GRM3: variants seen among roughly 807,000 people sequenced by gnomAD.
GRM3 encodes the protein metabotropic glutamate receptor 3.
Under a neutral mutation model 70.5 loss-of-function variants are expected in GRM3, and 26 were observed. The observed-to-expected ratio is 0.37, with a 90% CI of 0.27 to 0.51. The LOEUF is 0.51. GRM3 is among the 20% of genes least tolerant of loss of function. The pLI, the probability that GRM3 is intolerant of heterozygous loss-of-function variation, is 0.93. For synonymous variants in GRM3, 443 were observed against 434.9 expected (o/e 1.02, Z -0.23); for missense variants, 859 against 1,123.8 (o/e 0.76, Z 3.37).
intron 1 of GRM3, among the ~76,000 whole-genome samples, chr7:86,673,588 A>G (rs1794227228): frequency 6.6e-6 from 1 of 151,854 alleles, no homozygotes; most frequent in Non-Finnish European, 1.5e-5. Context: ...CTCACTCTAT[A>G]TTCTTTCCCT....
At chr7:86,687,161 G>C (rs1794587178) in intron 1 of GRM3, among the ~76,000 whole-genome samples, 1 of 151,836 alleles carries the variant, frequency 6.6e-6, no homozygotes, top group African/African-American at 2.4e-5. Context: ...TAGAAAGAGA[G>C]AACATAGAAT....
intron 3 of GRM3, among the ~76,000 whole-genome samples, chr7:86,795,997 T>G (rs149784484): frequency 6.6e-6 from 1 of 152,354 alleles, no homozygotes; most frequent in East Asian, 1.9e-4. Flanking sequence ...TGCAAAAATT[T>G]TCTCCCGTTC....
intron 1 of GRM3, among the ~76,000 whole-genome samples, chr7:86,664,591 T>C (rs970516664): frequency 6.6e-6 from 1 of 152,018 alleles, no homozygotes; most frequent in Non-Finnish European, 1.5e-5. Context: ...GATGAATTTC[T>C]ATTGTATCCT....
At chr7:86,803,754 G>GTGTT (rs111240911) in intron 3 of GRM3, among the ~76,000 whole-genome samples, 13,885 of 151,828 alleles carry the variant, frequency 0.091, 1,062 homozygotes, top group African/African-American at 0.22. Flanking sequence ...GTGGCAAGAG[G>GTGTT]TGTTTGTTTG....
intron 2 of GRM3, chr7:86,785,961 G>C (rs1797227411): frequency 4.2e-6 from 1 of 240,914 alleles, no homozygotes; most frequent in South Asian, 8.6e-5. Flanking sequence ...CCCATGGACA[G>C]GTTTTATCCT....
intron 1 of GRM3, among the ~76,000 whole-genome samples, chr7:86,738,068 C>T (rs145844405): frequency 6.6e-6 from 1 of 152,220 alleles, no homozygotes; most frequent in Non-Finnish European, 1.5e-5. Context: ...CAGTTACTGG[C>T]CCTGGTTGAA....
intron 1 of GRM3, among the ~76,000 whole-genome samples, chr7:86,750,494 A>G (rs1208475515): frequency 6.6e-6 from 1 of 152,068 alleles, no homozygotes; most frequent in African/African-American, 2.4e-5. Context: ...TGAAAAGAAA[A>G]AGCATGAGGA....
chr7:86,675,113 C>A (rs931025240), intron 1 of GRM3, among the ~76,000 whole-genome samples: 1 of 152,050 alleles, frequency 6.6e-6, no homozygotes, highest in East Asian at 1.9e-4. Context: ...ATTAGTATAG[C>A]ACTAGTTGTT....
intron 1 of GRM3, among the ~76,000 whole-genome samples, chr7:86,693,114 G>A (rs982363796): frequency 6.6e-6 from 1 of 152,180 alleles, no homozygotes; most frequent in African/African-American, 2.4e-5. Flanking sequence ...ACGGAATAAG[G>A]TTAATTGGAG....
chr7:86,763,804 A>G (rs1292560426), intron 1 of GRM3, among the ~76,000 whole-genome samples: 2 of 152,116 alleles, frequency 1.3e-5, no homozygotes, highest in African/African-American at 4.8e-5. Flanking sequence ...TACAACAAAA[A>G]GTTGAGAAAT....
chr7:86,674,911 A>G (rs1794268969), intron 1 of GRM3, among the ~76,000 whole-genome samples: 2 of 152,230 alleles, frequency 1.3e-5, no homozygotes. Context: ...CAATGCATTT[A>G]TCACCTTTGC....
chr7:86,727,362 T>C (rs182384276), intron 1 of GRM3, among the ~76,000 whole-genome samples: 1 of 152,298 alleles, frequency 6.6e-6, no homozygotes, highest in Non-Finnish European at 1.5e-5. Context: ...TTTTCTCCTC[T>C]GGTTAACTCC....
At chr7:86,831,556 A>G (rs1329857484) in intron 3 of GRM3, among the ~76,000 whole-genome samples, 1 of 152,130 alleles carries the variant, frequency 6.6e-6, no homozygotes, top group African/African-American at 2.4e-5. Context: ...AATTGCGGGT[A>G]GGAGGATTGG....
At chr7:86,826,197 C>G (rs1373653191) in intron 3 of GRM3, among the ~76,000 whole-genome samples, 1 of 152,146 alleles carries the variant, frequency 6.6e-6, no homozygotes, top group Non-Finnish European at 1.5e-5. Context: ...GAGACTGTTG[C>G]AAAGTCACAT....
intron 5 of GRM3, 139 bp downstream of exon 5, chr7:86,850,683 GTCAGGTATTGTGCTAAGTGCTGGGGAT>G: frequency 1.5e-6 from 1 of 663,490 alleles, no homozygotes; most frequent in East Asian, 2.6e-5. Flanking sequence ...AACACTGTGA[GTCAGGTATTGTGCTAAGTGCTGGGGAT>G]TCAGTAAGGA....
At position 86,644,390 on chromosome 7, in the gene GRM3, A is replaced by G; in HGVS notation, c.-623A>G. 1 of 323,080 alleles carries G rather than the reference A, an allele frequency of 3.1e-6. No homozygotes were observed. The highest frequency in any genetic ancestry group is 6.0e-6 in the Non-Finnish European group (1 of 165,506). The allele number at this position is 323,080 out of a possible 1,614,324, so 20.0% of individuals were successfully genotyped here. On this transcript the variant is annotated 5_prime_UTR_variant, in exon 1 of 6. Coordinates refer to ENST00000361669, the MANE Select transcript of GRM3 (RefSeq NM_000840.3). ...GGTCCGTGCTTCTGCCAAGAGTCCC[A>G]ATTAGATGCGACGGCTTCAGCCTGG...
chr7:86,735,053 T>C (rs1795824443), intron 1 of GRM3, among the ~76,000 whole-genome samples: 1 of 152,220 alleles, frequency 6.6e-6, no homozygotes, highest in Admixed American at 6.5e-5. Flanking sequence ...ATAGTCTTTA[T>C]TTGCATATGA....
chr7:86,857,585 T>A (rs1798874528), intron 5 of GRM3, among the ~76,000 whole-genome samples: 1 of 152,138 alleles, frequency 6.6e-6, no homozygotes, highest in Non-Finnish European at 1.5e-5. Context: ...GTACATAACT[T>A]AAAGGTGAAG....
intron 1 of GRM3, among the ~76,000 whole-genome samples, chr7:86,743,149 A>AG: frequency 6.6e-6 from 1 of 152,322 alleles, no homozygotes; most frequent in Admixed American, 6.5e-5. Context: ...AAAACTATAT[A>AG]GCATGTTTTA....
Sources: allele counts gnomAD v4.1 joint callset (sites outside exome capture counted in the v4.1 genomes callset), GRCh38; gene constraint gnomAD v4.1.1; transcripts MANE v1.5; gene names NCBI Gene and HGNC (gene_info 2026-07-23, HGNC 2026-07-21).